CCDC91: variants seen among roughly 807,000 people sequenced by gnomAD.
CCDC91 encodes the protein coiled-coil domain-containing protein 91.
CCDC91 carries 48 observed loss-of-function variants against 63.2 expected under a neutral mutation model. The observed-to-expected ratio is 0.76, with a 90% confidence interval of 0.60 to 0.97. The LOEUF is 0.97. Ranked by LOEUF, CCDC91 falls within the 50% of genes least tolerant of loss-of-function variation. CCDC91 has a pLI of 0.00. For missense variants in CCDC91, 500 were observed against 494.6 expected (o/e 1.01, Z -0.10); for synonymous variants, 167 against 165.8 (o/e 1.01, Z -0.06).
At chr12:28,548,153 CTT>C (rs1943112562) in intron 12 of CCDC91, among the ~76,000 whole-genome samples, 1 of 152,100 alleles carries the variant, frequency 6.6e-6, no homozygotes, top group Non-Finnish European at 1.5e-5. Flanking sequence ...TACTAACCCT[CTT>C]GTTTCGTTTA....
At chr12:28,374,667 A>G (rs1228583633) in intron 7 of CCDC91, among the ~76,000 whole-genome samples, 2 of 152,142 alleles carry the variant, frequency 1.3e-5, no homozygotes, top group Non-Finnish European at 2.9e-5. Context: ...ATTTAAAAAT[A>G]ACAGTAAGTT....
intron 12 of CCDC91, chr12:28,505,652 A>G (rs1938613038): frequency 6.6e-6 from 1 of 152,076 alleles, no homozygotes; most frequent in African/African-American, 2.4e-5. Flanking sequence ...GATTTACCAC[A>G]CAGAGTCTTG....
intron 11 of CCDC91, among the ~76,000 whole-genome samples, chr12:28,452,920 T>C (rs913605817): frequency 6.6e-6 from 1 of 151,924 alleles, no homozygotes. Context: ...ACAAAATTTA[T>C]GTTTAGTCAT....
intron 6 of CCDC91, among the ~76,000 whole-genome samples, chr12:28,309,912 G>A (rs1176235686): frequency 2.0e-5 from 3 of 151,432 alleles, no homozygotes; most frequent in South Asian, 2.1e-4. Flanking sequence ...TTTCCATACC[G>A]CTTATTCCTA....
intron 1 of CCDC91, among the ~76,000 whole-genome samples, chr12:28,217,401 A>C (rs895388906): frequency 2.0e-5 from 3 of 152,176 alleles, no homozygotes; most frequent in Non-Finnish European, 2.9e-5. Flanking sequence ...AATTTTCCGA[A>C]ACAGCAATTT....
At chr12:28,366,973 G>T (rs963477040) in intron 7 of CCDC91, among the ~76,000 whole-genome samples, 2 of 151,996 alleles carry the variant, frequency 1.3e-5, no homozygotes, top group Admixed American at 6.6e-5. Flanking sequence ...CTACCTGGAG[G>T]TTTTCATTTT....
intron 8 of CCDC91, among the ~76,000 whole-genome samples, chr12:28,445,882 A>C (rs571647984): frequency 6.6e-6 from 1 of 152,092 alleles, no homozygotes; most frequent in Non-Finnish European, 1.5e-5. Flanking sequence ...CCCATCTCCA[A>C]CTGCTATCAC....
Position 28,492,897 on chromosome 12 carries a change from A to G in CCDC91, c.1215+8732A>G, listed in dbSNP as rs193188880. Among the ~76,000 whole-genome samples, 350 of 151,846 alleles carry G rather than the reference A, an allele frequency of 2.3e-3. 4 individuals carry two copies. Among genetic ancestry groups the G allele is most frequent in the African/African-American group, 8.0e-3 (332 of 41,508 alleles). ...AGTTTCAAAGATGTGAACTTGTTCA[A>G]CTAAGAAAAAGTTGCTTGCTGTAAA... On this transcript the variant is annotated intron_variant, in intron 12 of 12. Transcript: ENST00000536442.
chr12:28,201,122 C>CG lies in CCDC91; in HGVS notation c.-15+10487dup, dbSNP rs71576409. The stretch of plus-strand genomic sequence containing the variant: ...CTCCCGGACGGGGCGGCTGGCCGGG[C>CG]GGGGGGCTGACCCCCACCTCCCTCC... On this transcript the variant is annotated intron_variant, in intron 1 of 12. Coordinates refer to ENST00000536442, the MANE Select transcript of CCDC91 (RefSeq NM_018318.5). 2.8e-4 allele frequency among the ~76,000 whole-genome samples: 41 copies of CG among 146,934 alleles called. 1 individual carries two copies. Among genetic ancestry groups the CG allele is most frequent in the African/African-American group, 9.9e-4 (39 of 39,588 alleles).
intron 6 of CCDC91, among the ~76,000 whole-genome samples, chr12:28,340,629 G>A (rs1365190475): frequency 6.6e-6 from 1 of 152,172 alleles, no homozygotes; most frequent in South Asian, 2.1e-4. Context: ...TGTGTAATGG[G>A]GGTGTGGCTT....
chr12:28,478,186 G>A (rs1951225859), intron 11 of CCDC91, among the ~76,000 whole-genome samples: 1 of 152,126 alleles, frequency 6.6e-6, no homozygotes, highest in Non-Finnish European at 1.5e-5. Flanking sequence ...AAAGCTGGAG[G>A]CATCACACTA....
intron 7 of CCDC91, among the ~76,000 whole-genome samples, chr12:28,382,828 A>G (rs1945374632): frequency 6.6e-6 from 1 of 152,108 alleles, no homozygotes; most frequent in Non-Finnish European, 1.5e-5. Flanking sequence ...ACTTAATTGT[A>G]TGAATGATTA....
At chr12:28,244,870 C>CA (rs142737936) in intron 1 of CCDC91, among the ~76,000 whole-genome samples, 29,818 of 129,268 alleles carry the variant, frequency 0.23, 3,909 homozygotes, top group Non-Finnish European at 0.33. Flanking sequence ...AACTCTGTCT[C>CA]AAAAAAAAAA....
chr12:28,222,253 A>G (rs958924891), intron 1 of CCDC91, among the ~76,000 whole-genome samples: 11 of 152,018 alleles, frequency 7.2e-5, no homozygotes, highest in Non-Finnish European at 1.0e-4. Flanking sequence ...CTTTATCATA[A>G]TTTTACTTTG....
intron 1 of CCDC91, among the ~76,000 whole-genome samples, chr12:28,230,153 T>C (rs1475975118): frequency 6.6e-6 from 1 of 152,208 alleles, no homozygotes; most frequent in Non-Finnish European, 1.5e-5. Flanking sequence ...TGTCCATTTA[T>C]GTATAAAGGA....
intron 6 of CCDC91, among the ~76,000 whole-genome samples, chr12:28,358,482 A>T (rs780675802): frequency 3.9e-5 from 6 of 152,352 alleles, no homozygotes; most frequent in South Asian, 2.1e-4. Flanking sequence ...GACATTTTAT[A>T]TAAGGCAGCA....
Position 28,412,691 on chromosome 12 carries a change from G to C in CCDC91, c.762+21280G>C, listed in dbSNP as rs1243020680. The C allele has an allele frequency of 6.7e-6, 3 of 450,072 alleles. No individual in the cohort carries two copies. In the East Asian group the frequency reaches 2.1e-4, roughly 32 times the overall value. The allele number at this position is 450,072 out of a possible 1,614,324, so 27.9% of individuals were successfully genotyped here. A position where few individuals can be genotyped will look rare whatever the true frequency, so the allele number is the denominator to read the frequency against. ...GGACCTGAGCAGGTTGCTGCTGCTG[G>C]CTGGGGTGGTCAGCTTTTATCCCCT... On this transcript the variant is annotated intron_variant, in intron 8 of 12. Transcript: ENST00000536442.
At chr12:28,491,651 G>A (rs541927905) in intron 12 of CCDC91, among the ~76,000 whole-genome samples, 2 of 151,778 alleles carry the variant, frequency 1.3e-5, no homozygotes, top group East Asian at 3.9e-4. Flanking sequence ...AGAAGCCAAA[G>A]GATTTGGTTT....
intron 11 of CCDC91, among the ~76,000 whole-genome samples, chr12:28,482,757 C>G (rs1293839199): frequency 6.6e-6 from 1 of 151,718 alleles, no homozygotes; most frequent in African/African-American, 2.4e-5. Context: ...ATCCTTTGGC[C>G]AAAAATGATT....
Sources: allele counts gnomAD v4.1 joint callset (sites outside exome capture counted in the v4.1 genomes callset), GRCh38; gene constraint gnomAD v4.1.1; transcripts MANE v1.5; gene names NCBI Gene and HGNC (gene_info 2026-07-23, HGNC 2026-07-21).